RABGAP1L: variants seen among roughly 807,000 people sequenced by gnomAD.
RABGAP1L encodes rab GTPase-activating protein 1-like.
RABGAP1L carries 63 observed loss-of-function variants against 137.7 expected under a neutral mutation model. The observed-to-expected ratio is 0.46, with a 90% CI of 0.37 to 0.56. RABGAP1L has a LOEUF of 0.56. Among genes scored for constraint, RABGAP1L ranks in the 20% least tolerant of loss-of-function variants. The pLI, the probability that RABGAP1L is intolerant of heterozygous loss-of-function variation, is 0.00. For missense variants in RABGAP1L, 1,095 were observed against 1,244.0 expected (o/e 0.88, Z 1.80); for synonymous variants, 431 against 433.7 (o/e 0.99, Z 0.08).
chr1:174,223,442 CA>C (rs370743713), intron 3 of RABGAP1L, among the ~76,000 whole-genome samples: 1,363 of 53,310 alleles, frequency 0.026, 12 homozygotes, highest in African/African-American at 0.085. Flanking sequence ...GACTCCATCT[CA>C]AAAAAAAAAA....
intron 13 of RABGAP1L, among the ~76,000 whole-genome samples, chr1:174,416,828 G>A (rs1187155706): frequency 6.6e-6 from 1 of 152,054 alleles, no homozygotes; most frequent in African/African-American, 2.4e-5. Flanking sequence ...TGTGTTATAT[G>A]TGTTGTTTCC....
At chr1:174,875,275 G>A in intron 19 of RABGAP1L, among the ~76,000 whole-genome samples, 1 of 152,188 alleles carries the variant, frequency 6.6e-6, no homozygotes. Flanking sequence ...TGTTTTATGA[G>A]TTTAATGTAC....
intron 11 of RABGAP1L, among the ~76,000 whole-genome samples, chr1:174,318,620 C>CTTTCTTTA (rs1486851296): frequency 7.1e-6 from 1 of 141,296 alleles, no homozygotes; most frequent in Non-Finnish European, 1.5e-5. Flanking sequence ...TTCTTTCTTT[C>CTTTCTTTA]TTTCTTTCTT....
At chr1:174,160,274 C>A (rs1428939503) in intron 1 of RABGAP1L, among the ~76,000 whole-genome samples, 3 of 136,640 alleles carry the variant, frequency 2.2e-5, no homozygotes, top group African/African-American at 8.6e-5. Context: ...ACACCTCCCC[C>A]CAACCCCCAC....
intron 17 of RABGAP1L, among the ~76,000 whole-genome samples, chr1:174,746,938 A>G (rs2148664518): frequency 6.6e-6 from 1 of 152,318 alleles, no homozygotes; most frequent in East Asian, 1.9e-4. Flanking sequence ...TGTACTATAA[A>G]TGATAAGTGG....
intron 19 of RABGAP1L, among the ~76,000 whole-genome samples, chr1:174,929,009 T>G (rs1052304673): frequency 6.6e-6 from 1 of 151,514 alleles, no homozygotes; most frequent in South Asian, 2.1e-4. Flanking sequence ...AGGTGGGAAT[T>G]GAACAATGAT....
rs1326240757 is a variant in RABGAP1L, at chr1:174,176,730, A to AT, written c.-34+17073_-34+17074insT. Among the ~76,000 whole-genome samples, 20 of 143,374 alleles carry AT rather than the reference A, an allele frequency of 1.4e-4. 1 individual carries two copies. Among genetic ancestry groups the AT allele is most frequent in the East Asian group, 8.0e-4 (4 of 5,026 alleles). 94.1% of individuals were successfully genotyped at this position (143,374 alleles called of 152,430 possible). ...CTTTTTCAGAAAAAAAAAAAAAAAA[A>AT]AAAAAAAAAAAAAAAAGGTCAACAT... On this transcript the variant is annotated intron_variant, in intron 1 of 25. Coordinates refer to ENST00000681986, the MANE Select transcript of RABGAP1L (RefSeq NM_001366446.1).
At chr1:174,791,190 CAA>C (rs369764170) in intron 18 of RABGAP1L, among the ~76,000 whole-genome samples, 6 of 102,616 alleles carry the variant, frequency 5.8e-5, no homozygotes, top group Admixed American at 1.1e-4. Flanking sequence ...GACTCCATCT[CAA>C]AAAAAAAAAA....
At chr1:174,697,329 T>C (rs565912021) in intron 15 of RABGAP1L, among the ~76,000 whole-genome samples, 8 of 152,148 alleles carry the variant, frequency 5.3e-5, no homozygotes, top group East Asian at 3.9e-4. Flanking sequence ...TCTTTTTTTT[T>C]TCTCTCTCTC....
intron 13 of RABGAP1L, among the ~76,000 whole-genome samples, chr1:174,506,077 A>G (rs1316688697): frequency 6.6e-6 from 1 of 152,242 alleles, no homozygotes; most frequent in Admixed American, 6.5e-5. Context: ...CTTACGTGCA[A>G]TCTAAAAAAG....
chr1:174,430,498 A>C (rs143861417), intron 13 of RABGAP1L, among the ~76,000 whole-genome samples: 2,231 of 152,328 alleles, frequency 0.015, 29 homozygotes, highest in Non-Finnish European at 0.025. Flanking sequence ...TTTTAATTTA[A>C]TTGAACGCTA....
chr1:174,959,239 C>CA (rs1668875046), intron 20 of RABGAP1L, among the ~76,000 whole-genome samples: 1 of 152,222 alleles, frequency 6.6e-6, no homozygotes, highest in Non-Finnish European at 1.5e-5. Flanking sequence ...ACATAGCATG[C>CA]TGCTTTAGAA....
chr1:174,308,106 G>T lies in RABGAP1L; in HGVS notation c.1465+2979G>T, dbSNP rs555507264. On this transcript the variant is annotated intron_variant, in intron 11 of 25. Transcript: ENST00000681986. ...GCATATACCTGTTAGTCATTTGCAT[G>T]TCTTCTTTTGAGAAATGTCTATTTA... 7.9e-5 allele frequency among the ~76,000 whole-genome samples: 12 copies of T among 151,986 alleles called. 1 individual carries two copies. Among genetic ancestry groups the T allele is most frequent in the African/African-American group, 2.9e-4 (12 of 41,508 alleles).
intron 7 of RABGAP1L, among the ~76,000 whole-genome samples, chr1:174,269,712 T>C (rs1674395756): frequency 6.6e-6 from 1 of 152,352 alleles, no homozygotes; most frequent in East Asian, 1.9e-4. Flanking sequence ...TTATAAATTA[T>C]GTTGGATGTC....
chr1:174,526,514 C>T (rs1242137250), intron 13 of RABGAP1L, among the ~76,000 whole-genome samples: 1 of 151,992 alleles, frequency 6.6e-6, no homozygotes, highest in African/African-American at 2.4e-5. Context: ...TTCAAGTTCT[C>T]GTTACTGGTC....
intron 15 of RABGAP1L, among the ~76,000 whole-genome samples, chr1:174,695,818 AG>A (rs1384816719): frequency 6.6e-6 from 1 of 152,214 alleles, no homozygotes; most frequent in African/African-American, 2.4e-5. Context: ...TATCTGCTTT[AG>A]GGGATGCCCC....
intron 15 of RABGAP1L, among the ~76,000 whole-genome samples, chr1:174,698,008 A>G (rs906143907): frequency 1.3e-5 from 2 of 152,268 alleles, no homozygotes; most frequent in Admixed American, 6.5e-5. Context: ...ATTAGAAAAT[A>G]GAAGTGGCTG....
chr1:174,902,579 C>T (rs894281383), intron 19 of RABGAP1L, among the ~76,000 whole-genome samples: 5 of 152,166 alleles, frequency 3.3e-5, no homozygotes, highest in Admixed American at 6.5e-5. Context: ...GCTACTCTGC[C>T]GTGACTCCAC....
At chr1:174,415,253 A>G (rs940271955) in intron 13 of RABGAP1L, among the ~76,000 whole-genome samples, 2 of 152,066 alleles carry the variant, frequency 1.3e-5, no homozygotes, top group Non-Finnish European at 2.9e-5. Context: ...CCTGTATTAA[A>G]TCTTTACATT....
Sources: allele counts gnomAD v4.1 joint callset (sites outside exome capture counted in the v4.1 genomes callset), GRCh38; gene constraint gnomAD v4.1.1; transcripts MANE v1.5; gene names NCBI Gene and HGNC (gene_info 2026-07-23, HGNC 2026-07-21).